The following CFAP57 variants were observed in gnomAD, a reference collection of about 807,000 sequenced individuals.
The protein encoded by CFAP57 is cilia- and flagella-associated protein 57.
CFAP57 carries 116 observed loss-of-function variants against 146.8 expected under a neutral mutation model. The ratio of observed to expected loss-of-function variants is 0.79; its 90% CI spans 0.68 to 0.92. The LOEUF (loss-of-function observed/expected upper bound fraction) is 0.92. CFAP57 is among the 40% of genes least tolerant of loss of function. The probability of loss-of-function intolerance (pLI) is 0.00; values close to 1 mark genes in which losing one functional copy is unlikely to be tolerated. For missense variants in CFAP57, 1,377 were observed against 1,527.2 expected (o/e 0.90, Z 1.64); for synonymous variants, 518 against 552.8 (o/e 0.94, Z 0.88).
In CFAP57 at chr1:43,201,866, C is replaced by T. The variant is rs1421821736; in HGVS notation, c.1542+2363C>T. 2.0e-5 allele frequency among the ~76,000 whole-genome samples: 3 copies of T among 152,180 alleles called. No homozygotes were observed. Among genetic ancestry groups the T allele is most frequent in the Admixed American group, 6.5e-5 (1 of 15,278 alleles). On this transcript the variant is annotated intron_variant, in intron 9 of 22. Coordinates refer to ENST00000372492, the MANE Select transcript of CFAP57 (RefSeq NM_001378189.1). The surrounding 1 kb of genome is among the most constrained non-coding windows in gnomAD (Gnocchi z 4.4). The stretch of plus-strand genomic sequence containing the variant: ...CTGACCTCAGGTGATCCACCCACCT[C>T]GGCCTCCCAAAGTCCTGGGATTACA...
intron 2 of CFAP57, among the ~76,000 whole-genome samples, 165 bp downstream of exon 2, chr1:43,173,075 TAATC>T (rs769369204): frequency 1.3e-5 from 2 of 152,226 alleles, no homozygotes; most frequent in Non-Finnish European, 2.9e-5. Flanking sequence ...GAAACTAGAT[TAATC>T]AGTCACGCAT....
chr1:43,190,439 T>A (rs1187537558), intron 6 of CFAP57, among the ~76,000 whole-genome samples: 1 of 151,838 alleles, frequency 6.6e-6, no homozygotes, highest in Non-Finnish European at 1.5e-5. Context: ...CCCAGCTAAT[T>A]TTTTGTATTT....
At chr1:43,226,641 C>T (rs1027114933) in intron 17 of CFAP57, among the ~76,000 whole-genome samples, 3 of 152,210 alleles carry the variant, frequency 2.0e-5, no homozygotes, top group Non-Finnish European at 2.9e-5. Context: ...GAAGGGGATT[C>T]GCTTCCACCT....
At chr1:43,193,311 C>T (rs1389190597) in intron 6 of CFAP57, among the ~76,000 whole-genome samples, 1 of 151,988 alleles carries the variant, frequency 6.6e-6, no homozygotes, top group Non-Finnish European at 1.5e-5. Context: ...TTTATCCAGT[C>T]TGACAATCTC....
At position 43,248,301 on chromosome 1, in the gene CFAP57, G is replaced by A. The variant is rs925633255; in HGVS notation, c.3538+4942G>A. 1.2e-4 allele frequency among the ~76,000 whole-genome samples: 18 copies of A among 147,688 alleles called. No homozygotes were observed. The East Asian group carries it at 2.4e-3, about 19-fold the overall frequency. The stretch of plus-strand genomic sequence containing the variant: ...TCTTCACATCTCTCTCCCCTACATT[G>A]TTTCATAAAAAAATTTTCTTTTTTT... On this transcript the variant is annotated intron_variant, in intron 22 of 22. Transcript: ENST00000372492.
At position 43,234,370 on chromosome 1, in the gene CFAP57, A is replaced by G. The variant is rs1264089966; in HGVS notation, c.3218A>G (p.Lys1073Arg). The change falls in exon 20 of 23, where the codon AAG becomes AGG. Residue 1073 changes from lysine (K) to arginine (R), a missense_variant. By Grantham distance (26) the Lys-to-Arg change is conservative (BLOSUM62 2). Transcript: ENST00000372492. ...CAGGAACCGCGGCTGCTGAAGGAGA[A>G]GGTTCGAGGTCTCTTTGAGAAGTAC... is the stretch of plus-strand genomic sequence containing the variant. Reference protein sequence around the residue: ...YIQEPRLLKEKVRGLFEKYVQ... With the variant: ...YIQEPRLLKERVRGLFEKYVQ... The G allele has an allele frequency of 6.4e-7, 1 of 1,550,422 alleles. No individual in the cohort carries two copies. The highest frequency in any genetic ancestry group is 1.2e-5 in the South Asian group (1 of 84,050).
At position 43,172,585 on chromosome 1, in the gene CFAP57, CAAGGGGAGGGGA is replaced by C. The variant is rs760304782; in HGVS notation, c.-19-139_-19-128del. The C allele has an allele frequency of 1.7e-4, 66 of 390,788 alleles. 1 individual carries two copies. The highest frequency in any genetic ancestry group is 2.8e-4 in the African/African-American group (8 of 28,348). The allele number at this position is 390,788 out of a possible 1,614,324, so 24.2% of individuals were successfully genotyped here. A position where few individuals can be genotyped will look rare whatever the true frequency, so the allele number is the denominator to read the frequency against. ...CCCGGGGGAGGGGAAAGGGGAGGGA[CAAGGGGAGGGGA>C]AAGGGGAGGGACAAGGGGAGGAGAA... On this transcript the variant is annotated intron_variant, in intron 1 of 22. Transcript: ENST00000372492.
rs189731623 is a variant in CFAP57 at position 43,243,475 on chromosome 1, C to G, written c.3538+116C>G. 9 of 1,151,328 alleles carry G rather than the reference C, an allele frequency of 7.8e-6. No individual in the cohort carries two copies. In the Admixed American group the frequency reaches 2.6e-4, roughly 34 times the overall value. 71.3% of individuals were successfully genotyped at this position (1,151,328 alleles called of 1,614,324 possible). On this transcript the variant is annotated intron_variant, in intron 22 of 22. Transcript: ENST00000372492. ...TCAGGTCCCATCTACACATGGCCTT[C>G]TGGGATCCTGTCCGGGGCACACACC...
At chr1:43,207,797 G>T (rs2124480728) in intron 10 of CFAP57, among the ~76,000 whole-genome samples, 1 of 152,346 alleles carries the variant, frequency 6.6e-6, no homozygotes, top group South Asian at 2.1e-4. Context: ...TGGTGCCTGG[G>T]AAAGTGCGTA....
chr1:43,206,984 AGCTTCCCGT>A (rs1644386174), intron 10 of CFAP57, 52 bp downstream of exon 10: 3 of 1,579,066 alleles, frequency 1.9e-6, no homozygotes, highest in Non-Finnish European at 2.6e-6. Flanking sequence ...CTGCAGGGAC[AGCTTCCCGT>A]GCTTACAGCA....
chr1:43,224,140 T>C lies in CFAP57; in HGVS notation c.2801T>C (p.Leu934Pro), dbSNP rs1645153252. Residue 934 changes from leucine (L) to proline (P), a missense_variant, in exon 17 of 23, where the codon CTG becomes CCG. Coordinates refer to ENST00000372492, the MANE Select transcript of CFAP57 (RefSeq NM_001378189.1). ...QMKLQGVIKS[L>P]EKDIQGLKRE... is the part of the protein sequence containing the mutation. ...AAGCTGCAAGGAGTCATTAAGTCTCTGGAGAAGGACATCCAAGGCCTCAAG... is the reference window on the plus strand; with the variant it reads ...AAGCTGCAAGGAGTCATTAAGTCTCCGGAGAAGGACATCCAAGGCCTCAAG... 6.4e-7 allele frequency: 1 copy of C among 1,550,438 alleles called. No homozygotes were observed. Among genetic ancestry groups the C allele is most frequent in the Non-Finnish European group, 8.7e-7 (1 of 1,146,886 alleles).
chr1:43,234,148 C>T (rs1570285510), intron 19 of CFAP57, 131 bp from the exon 20 acceptor site: 1 of 1,096,078 alleles, frequency 9.1e-7, no homozygotes, highest in Non-Finnish European at 1.2e-6. Context: ...CAGTATGGCC[C>T]CTGGCAGTCA....
rs747385883 is a variant in CFAP57 at position 43,207,575 on chromosome 1, A to G, written c.1755+643A>G. Among the ~76,000 whole-genome samples the G allele has an allele frequency of 3.3e-5, 5 of 152,150 alleles. No homozygotes were observed. In the East Asian group the frequency reaches 7.7e-4, roughly 23 times the overall value. ...GTTTGCGTGACAAAATAGCCTAACC[A>G]TGTATCCCATATCAAGCGATGCATG... On this transcript the variant is annotated intron_variant, in intron 10 of 22. Transcript: ENST00000372492.
intron 2 of CFAP57, among the ~76,000 whole-genome samples, chr1:43,174,017 A>G (rs1184027972): frequency 6.6e-6 from 1 of 152,156 alleles, no homozygotes; most frequent in East Asian, 1.9e-4. Flanking sequence ...AATGATGATG[A>G]GTATCTGTTT....
At chr1:43,172,540 G>A in intron 1 of CFAP57, 87 bp downstream of exon 1, 1 of 1,201,510 alleles carries the variant, frequency 8.3e-7, no homozygotes, top group South Asian at 1.4e-5. Context: ...CCGCGGGGGT[G>A]GGGTGGCGCG....
At chr1:43,232,721 C>G in intron 19 of CFAP57, 97 bp downstream of exon 19, 1 of 773,638 alleles carries the variant, frequency 1.3e-6, no homozygotes, top group Non-Finnish European at 2.0e-6. Flanking sequence ...CAGCCCACTG[C>G]GAGGATATGT....
At chr1:43,199,952 G>A (rs895510015) in intron 9 of CFAP57, among the ~76,000 whole-genome samples, 1 of 152,194 alleles carries the variant, frequency 6.6e-6, no homozygotes, top group Admixed American at 6.5e-5. Flanking sequence ...GGTCACAAGG[G>A]CCCAAATGCA....
Position 43,234,293 on chromosome 1 carries a change from AGC to A in CFAP57, c.3144_3145del (p.Leu1049GlyfsTer5), listed in dbSNP as rs1645596668. ...TCTGATTGCAGGAGCGAGACTTGGA[AGC>A]GCTGGTCAAAAGGTTTAAAACAGAC... Reference protein sequence around the residue: ...RERQKERDLEALVKRFKTDLH... With the variant: ...RERQKERDLEXLVKRFKTDLH... On this transcript the variant is annotated frameshift_variant, in exon 20 of 23. Coordinates refer to ENST00000372492, the MANE Select transcript of CFAP57 (RefSeq NM_001378189.1). LOFTEE classifies it high-confidence loss of function. 1.6e-5 allele frequency: 24 copies of A among 1,547,678 alleles called. No individual in the cohort carries two copies. The highest frequency in any genetic ancestry group is 2.1e-5 in the Non-Finnish European group (24 of 1,145,744).
At chr1:43,221,001 C>A (rs1645022817) in intron 13 of CFAP57, among the ~76,000 whole-genome samples, 2 of 152,186 alleles carry the variant, frequency 1.3e-5, no homozygotes, top group Admixed American at 1.3e-4. Context: ...GAAAACACTT[C>A]CTCAGAAGCT....
Sources: gnomAD v4.1 joint callset for allele counts (sites outside exome capture counted in the v4.1 genomes callset) on GRCh38, gnomAD v4.1.1 for gene constraint, Gnocchi (gnomAD v3.1) non-coding constraint, MANE v1.5 for transcripts, NCBI Gene and HGNC (gene_info 2026-07-23, HGNC 2026-07-21) for gene names.